Variants in CDH13 observed in about 807,000 individuals in gnomAD.
CDH13 encodes cadherin-13.
CDH13 carries 24 observed loss-of-function variants against 63.8 expected under a neutral mutation model. The ratio of observed to expected loss-of-function variants is 0.38; its 90% CI spans 0.27 to 0.53. The LOEUF (loss-of-function observed/expected upper bound fraction) is 0.53. Among genes scored for constraint, CDH13 ranks in the 20% least tolerant of loss-of-function variants. The pLI is 0.85. For missense variants in CDH13, 1,049 were observed against 903.1 expected, an observed-to-expected ratio of 1.16 and a Z score of -2.07; for synonymous variants, 503 against 355.3, an observed-to-expected ratio of 1.42 and a Z score of -4.67.
intron 4 of CDH13, among the ~76,000 whole-genome samples, chr16:83,186,331 G>T (rs950336068): frequency 6.6e-6 from 1 of 151,758 alleles, no homozygotes; most frequent in Non-Finnish European, 1.5e-5. Context: ...TAGAGATGGG[G>T]TTTCACCATA....
At chr16:83,372,613 G>A (rs573629598) in intron 6 of CDH13, among the ~76,000 whole-genome samples, 15 of 151,998 alleles carry the variant, frequency 9.9e-5, no homozygotes, top group African/African-American at 3.4e-4. Flanking sequence ...TTTACTGGGT[G>A]TGGTGGCATG....
intron 5 of CDH13, among the ~76,000 whole-genome samples, chr16:83,334,262 G>C (rs2090539459): frequency 6.7e-6 from 1 of 149,326 alleles, no homozygotes; most frequent in Non-Finnish European, 1.5e-5. Context: ...CTCTCTCTCT[G>C]TTTCTCTCTT....
intron 2 of CDH13, among the ~76,000 whole-genome samples, chr16:82,985,166 T>C (rs561198622): frequency 2.6e-5 from 4 of 151,618 alleles, no homozygotes; most frequent in Non-Finnish European, 5.9e-5. Flanking sequence ...TACATTACTT[T>C]AATCCTAATG....
intron 6 of CDH13, among the ~76,000 whole-genome samples, chr16:83,384,653 C>T (rs923678160): frequency 5.3e-5 from 8 of 152,118 alleles, no homozygotes; most frequent in South Asian, 2.1e-4. Flanking sequence ...GCATGGGATC[C>T]GAGGGTATGG....
intron 2 of CDH13, among the ~76,000 whole-genome samples, chr16:82,994,194 C>T (rs1911957906): frequency 6.6e-6 from 1 of 152,178 alleles, no homozygotes; most frequent in Non-Finnish European, 1.5e-5. Context: ...AGCTGCACCT[C>T]AGAACCCATC....
chr16:83,556,646 A>G (rs1375196945), intron 7 of CDH13, among the ~76,000 whole-genome samples: 8 of 152,180 alleles, frequency 5.3e-5, no homozygotes, highest in Non-Finnish European at 1.2e-4. Context: ...CAGTTTCGGT[A>G]TTTCTCACAA....
chr16:83,448,985 C>T (rs2151507745), intron 6 of CDH13, among the ~76,000 whole-genome samples: 1 of 152,284 alleles, frequency 6.6e-6, no homozygotes, highest in Admixed American at 6.5e-5. Flanking sequence ...CAACAATATG[C>T]TCCTAGATAC....
At chr16:83,309,032 G>T (rs1417902666) in intron 5 of CDH13, among the ~76,000 whole-genome samples, 2 of 152,118 alleles carry the variant, frequency 1.3e-5, no homozygotes, top group Admixed American at 6.5e-5. Context: ...TTGTCACCTT[G>T]TTATGCCTCA....
intron 2 of CDH13, among the ~76,000 whole-genome samples, chr16:82,904,753 A>C (rs115020406): frequency 0.017 from 2,631 of 152,264 alleles, 69 homozygotes; most frequent in African/African-American, 0.059. Flanking sequence ...GTCAGTATTT[A>C]CCAGAGCCAG....
chr16:83,730,143 CTGAT>C (rs1230791111), intron 10 of CDH13, among the ~76,000 whole-genome samples: 1 of 152,158 alleles, frequency 6.6e-6, no homozygotes, highest in African/African-American at 2.4e-5. Flanking sequence ...CAACAGTTCC[CTGAT>C]TGATTTTTTA....
At chr16:82,630,248 A>G (rs796540374) in intron 1 of CDH13, among the ~76,000 whole-genome samples, 1 of 152,222 alleles carries the variant, frequency 6.6e-6, no homozygotes, top group Admixed American at 6.5e-5. Context: ...GGGTCAATAC[A>G]TGACAGCCTG....
chr16:83,332,250 C>T (rs191331605), intron 5 of CDH13, among the ~76,000 whole-genome samples: 102 of 152,088 alleles, frequency 6.7e-4, no homozygotes, highest in Admixed American at 1.5e-3. Flanking sequence ...CAGTAATTCA[C>T]GCAATAAATT....
chr16:82,965,378 C>G lies in CDH13; in HGVS notation c.158-66632C>G, dbSNP rs1009655148. On this transcript the variant is annotated intron_variant, in intron 2 of 13. Transcript: ENST00000567109. ...AAAATTTTTAGTTTGGTTTTATTCT[C>G]ATTTAAGTTTTCTATGGAGTATTTT... 3.3e-5 allele frequency among the ~76,000 whole-genome samples: 5 copies of G among 152,318 alleles called. No individual in the cohort carries two copies. The South Asian group carries it at 1.0e-3, about 32-fold the overall frequency.
At chr16:82,705,382 C>G (rs2031407984) in intron 1 of CDH13, 5 of 282,430 alleles carry the variant, frequency 1.8e-5, no homozygotes, top group South Asian at 1.7e-4. Context: ...AATACAGTGT[C>G]TCATTAGCCA....
intron 4 of CDH13, among the ~76,000 whole-genome samples, chr16:83,194,061 T>C (rs12103261): frequency 0.11 from 16,200 of 152,268 alleles, 1,017 homozygotes; most frequent in Middle Eastern, 0.2. Flanking sequence ...TGAGTGTTTA[T>C]AGTTTCAGTG....
At chr16:83,177,469 C>T (rs962830986) in intron 4 of CDH13, among the ~76,000 whole-genome samples, 1 of 152,174 alleles carries the variant, frequency 6.6e-6, no homozygotes, top group African/African-American at 2.4e-5. Flanking sequence ...GGCATATCCG[C>T]AAGCCAAGCT....
intron 2 of CDH13, among the ~76,000 whole-genome samples, chr16:82,960,650 G>C (rs868282352): frequency 1.3e-5 from 2 of 152,130 alleles, no homozygotes; most frequent in Non-Finnish European, 1.5e-5. Flanking sequence ...CGGTATAGCA[G>C]GTACGGTAAC....
intron 8 of CDH13, among the ~76,000 whole-genome samples, chr16:83,661,795 C>A (rs1185900590): frequency 6.6e-6 from 1 of 152,186 alleles, no homozygotes; most frequent in Non-Finnish European, 1.5e-5. Flanking sequence ...CTGCAGCCAA[C>A]ACATGGAAAT....
intron 4 of CDH13, among the ~76,000 whole-genome samples, chr16:83,134,741 T>C (rs572194981): frequency 2.0e-5 from 3 of 152,354 alleles, no homozygotes; most frequent in Non-Finnish European, 2.9e-5. Context: ...ATAAAAGCTA[T>C]GTTCACCATT....
Sources: gnomAD v4.1 joint callset for allele counts (sites outside exome capture counted in the v4.1 genomes callset) on GRCh38, gnomAD v4.1.1 for gene constraint, MANE v1.5 for transcripts, NCBI Gene and HGNC (gene_info 2026-07-23, HGNC 2026-07-21) for gene names.